The following METTL15 variants were observed in gnomAD, a reference collection of about 807,000 sequenced individuals.
The protein encoded by METTL15 is 12S rRNA N(4)-cytidine methyltransferase METTL15.
Under a neutral mutation model 38.3 loss-of-function variants are expected in METTL15, and 34 were observed. The observed-to-expected ratio is 0.89, with a 90% confidence interval of 0.68 to 1.18. METTL15 has a LOEUF of 1.18. METTL15 is among the 50% of genes most tolerant of loss of function. The probability of loss-of-function intolerance (pLI) is 0.00; values close to 1 mark genes in which losing one functional copy is unlikely to be tolerated. For synonymous variants in METTL15, 162 were observed against 170.9 expected, an observed-to-expected ratio of 0.95 and a Z score of 0.41; for missense variants, 438 against 498.4, an observed-to-expected ratio of 0.88 and a Z score of 1.15.
chr11:28,341,240 A>G (rs1322250702), intron 3 of METTL15, among the ~76,000 whole-genome samples: 3 of 152,180 alleles, frequency 2.0e-5, no homozygotes, highest in Non-Finnish European at 4.4e-5. Flanking sequence ...TGATGGATGC[A>G]ACAAACCACC....
intron 3 of METTL15, among the ~76,000 whole-genome samples, chr11:28,185,588 A>G (rs1189005853): frequency 6.6e-6 from 1 of 151,410 alleles, no homozygotes; most frequent in East Asian, 1.9e-4. Context: ...TTGCGGTGAA[A>G]CAAAAGAAAT....
chr11:28,363,775 T>C (rs546858872), intron 5 of METTL15, among the ~76,000 whole-genome samples: 112 of 152,282 alleles, frequency 7.4e-4, no homozygotes, highest in African/African-American at 2.6e-3. Flanking sequence ...TGTCAAGAAG[T>C]ATATTTCCTA....
At chr11:28,214,663 T>G (rs1425725217) in intron 4 of METTL15, among the ~76,000 whole-genome samples, 3 of 152,212 alleles carry the variant, frequency 2.0e-5, no homozygotes, top group Non-Finnish European at 4.4e-5. Flanking sequence ...TGTGAAGTAC[T>G]GTAACTATTT....
intron 4 of METTL15, among the ~76,000 whole-genome samples, chr11:28,223,568 A>AT (rs1173292743): frequency 6.6e-6 from 1 of 152,076 alleles, no homozygotes; most frequent in Non-Finnish European, 1.5e-5. Flanking sequence ...AAACATAGTA[A>AT]TTTTTTTCTT....
chr11:28,462,269 C>T (rs187068528), intron 6 of METTL15, among the ~76,000 whole-genome samples: 36 of 151,956 alleles, frequency 2.4e-4, no homozygotes, highest in Non-Finnish European at 4.9e-4. Flanking sequence ...AGAGTATGGG[C>T]AAATACAAGA....
rs1218709691 is a variant in METTL15, at chr11:28,194,206, T to TCG, written c.271-16855_271-16854insGC. Among the ~76,000 whole-genome samples the TCG allele has an allele frequency of 2.1e-4, 25 of 119,446 alleles. 1 individual carries two copies. The highest frequency in any genetic ancestry group is 6.4e-4 in the African/African-American group (20 of 31,410). 78.4% of individuals were successfully genotyped at this position (119,446 alleles called of 152,430 possible). A position where few individuals can be genotyped will look rare whatever the true frequency, so the allele number is the denominator to read the frequency against. On this transcript the variant is annotated intron_variant, in intron 3 of 6. Transcript: ENST00000407364. ...TCTCTCTCTCTCCTCTCTCTCTCTC[T>TCG]CTCTCTTAATATATGGAGTTTTGCT...
intron 6 of METTL15, among the ~76,000 whole-genome samples, chr11:28,438,632 C>T (rs963992550): frequency 6.6e-5 from 10 of 150,584 alleles, no homozygotes; most frequent in Non-Finnish European, 1.2e-4. Flanking sequence ...CTGATATTGG[C>T]GGTCTATAGA....
rs550714580 is a variant in METTL15 at position 28,208,200 on chromosome 11, T to A, written c.271-2862T>A. Among the ~76,000 whole-genome samples, 5 of 152,298 alleles carry A rather than the reference T, an allele frequency of 3.3e-5. No homozygotes were observed. In the East Asian group the frequency reaches 7.7e-4, roughly 23 times the overall value. ...TTTTCTAGTTCTTTTAATTGTGATG[T>A]TAGGGTGTCAGTTTTTGATCTTTCC... is the stretch of plus-strand genomic sequence containing the variant. On this transcript the variant is annotated intron_variant, in intron 3 of 6. Transcript: ENST00000407364.
intron 6 of METTL15, among the ~76,000 whole-genome samples, chr11:28,476,705 C>G (rs1196691847): frequency 1.3e-5 from 2 of 152,174 alleles, no homozygotes; most frequent in Non-Finnish European, 2.9e-5. Flanking sequence ...GGATCCTACC[C>G]TGGTCACATG....
chr11:28,291,732 G>A lies in METTL15; in HGVS notation c.599+1335G>A, dbSNP rs189558053. ...AAGGTGAAATACAGTCTCATGTGTG[G>A]AGATGGAGGTGGTTGTGTAGAGGTA... On this transcript the variant is annotated intron_variant, in intron 5 of 6. Coordinates refer to ENST00000407364, the MANE Select transcript of METTL15 (RefSeq NM_001113528.2). Among the ~76,000 whole-genome samples the A allele has an allele frequency of 4.1e-5, 4 of 98,232 alleles. No individual in the cohort carries two copies. In the East Asian group the frequency reaches 8.6e-4, roughly 21 times the overall value. The allele number at this position is 98,232 out of a possible 152,430, so 64.4% of individuals were successfully genotyped here.
At chr11:28,344,484 A>C (rs1849980626) in intron 3 of METTL15, among the ~76,000 whole-genome samples, 3 of 152,156 alleles carry the variant, frequency 2.0e-5, no homozygotes, top group Non-Finnish European at 4.4e-5. Flanking sequence ...CAGTTCTATC[A>C]TGGGCTCCAG....
intron 4 of METTL15, among the ~76,000 whole-genome samples, chr11:28,214,635 G>C (rs1483632558): frequency 6.6e-6 from 1 of 152,092 alleles, no homozygotes; most frequent in Non-Finnish European, 1.5e-5. Flanking sequence ...AGGACAAGCA[G>C]TAATTATTTT....
intron 4 of METTL15, among the ~76,000 whole-genome samples, chr11:28,360,115 T>C (rs1340349393): frequency 6.6e-6 from 1 of 152,166 alleles, no homozygotes; most frequent in Non-Finnish European, 1.5e-5. Context: ...AACCACATGA[T>C]CAGGCTTCTT....
intron 6 of METTL15, among the ~76,000 whole-genome samples, chr11:28,491,299 T>G (rs1851492615): frequency 6.6e-6 from 1 of 152,176 alleles, no homozygotes; most frequent in Admixed American, 6.5e-5. Context: ...TAATGCTTAT[T>G]GAATGGCCAT....
At chr11:28,334,658 T>A (rs563787713), downstream of METTL15, among the ~76,000 whole-genome samples, 1 of 152,284 alleles carries the variant, frequency 6.6e-6, no homozygotes, top group East Asian at 1.9e-4. Context: ...AACACAGCTA[T>A]TTTTATATTA....
At chr11:28,115,497 A>T (rs1027442145) in intron 3 of METTL15, among the ~76,000 whole-genome samples, 4 of 152,104 alleles carry the variant, frequency 2.6e-5, no homozygotes, top group Non-Finnish European at 5.9e-5. Flanking sequence ...ACCTCAGGTG[A>T]TCCACCCACC....
At chr11:28,431,808 G>GAAAAAAAAAAAA (rs1186274147) in intron 6 of METTL15, among the ~76,000 whole-genome samples, 1 of 87,074 alleles carries the variant, frequency 1.1e-5, no homozygotes, top group African/African-American at 4.7e-5. Flanking sequence ...AAAAAAAAAA[G>GAAAAAAAAAAAA]AAAAAAAAAA....
chr11:28,381,871 T>C (rs1431341094), intron 5 of METTL15, among the ~76,000 whole-genome samples: 1 of 152,162 alleles, frequency 6.6e-6, no homozygotes, highest in Non-Finnish European at 1.5e-5. Context: ...ACTGTATCTT[T>C]GCTTTGTCCA....
chr11:28,274,052 G>A (rs1301529699), intron 4 of METTL15, among the ~76,000 whole-genome samples: 4 of 151,906 alleles, frequency 2.6e-5, no homozygotes, highest in African/African-American at 9.7e-5. Context: ...GTATTCACAG[G>A]AATAAAACTC....
Sources: gnomAD v4.1 joint callset for allele counts (sites outside exome capture counted in the v4.1 genomes callset) on GRCh38, gnomAD v4.1.1 for gene constraint, MANE v1.5 for transcripts, NCBI Gene and HGNC (gene_info 2026-07-23, HGNC 2026-07-21) for gene names.